Variants in FHIT observed in about 807,000 individuals in gnomAD.
FHIT encodes bis(5'-adenosyl)-triphosphatase.
In FHIT, 19 loss-of-function variants were observed where a neutral mutation model predicts 17.9. That is an observed-to-expected ratio of 1.06 (90% CI 0.74 to 1.56). The LOEUF is 1.56. Ranked by LOEUF, FHIT falls within the 40% of genes most tolerant of loss-of-function variation. The pLI is 0.00. For missense variants in FHIT, 248 were observed against 189.2 expected, an observed-to-expected ratio of 1.31 and a Z score of -1.82; for synonymous variants, 81 against 69.7, an observed-to-expected ratio of 1.16 and a Z score of -0.81.
intron 8 of FHIT, among the ~76,000 whole-genome samples, chr3:59,871,333 CTG>C (rs1458171324): frequency 6.6e-6 from 1 of 152,104 alleles, no homozygotes; most frequent in Non-Finnish European, 1.5e-5. Flanking sequence ...CTGAATTTTG[CTG>C]TGTGCGCTAT....
intron 8 of FHIT, among the ~76,000 whole-genome samples, chr3:59,880,533 C>G (rs1437896181): frequency 6.6e-6 from 1 of 152,180 alleles, no homozygotes; most frequent in South Asian, 2.1e-4. Flanking sequence ...ACTGACTAGC[C>G]TTGAATCTAG....
intron 5 of FHIT, among the ~76,000 whole-genome samples, chr3:60,314,809 G>A (rs916690200): frequency 2.0e-5 from 3 of 152,140 alleles, no homozygotes; most frequent in African/African-American, 4.8e-5. Flanking sequence ...CAGAGGCTGG[G>A]TGCGGTGGCT....
intron 7 of FHIT, among the ~76,000 whole-genome samples, chr3:59,972,691 G>C (rs1018575166): frequency 2.0e-5 from 3 of 152,114 alleles, no homozygotes; most frequent in Admixed American, 6.6e-5. Flanking sequence ...ACCAATGCCT[G>C]ACCCTGCTCT....
At chr3:60,269,039 CCTG>C (rs1324012092) in intron 5 of FHIT, among the ~76,000 whole-genome samples, 1 of 152,124 alleles carries the variant, frequency 6.6e-6, no homozygotes, top group Non-Finnish European at 1.5e-5. Flanking sequence ...GAAACACAGC[CCTG>C]CTGACATCTT....
chr3:60,701,778 C>T (rs2041253335), intron 4 of FHIT, among the ~76,000 whole-genome samples: 1 of 152,090 alleles, frequency 6.6e-6, no homozygotes. Context: ...GTGTGTTAGT[C>T]CTATAAAGGC....
At chr3:60,142,692 T>C (rs1399151859) in intron 5 of FHIT, among the ~76,000 whole-genome samples, 1 of 138,402 alleles carries the variant, frequency 7.2e-6, no homozygotes, top group Admixed American at 7.1e-5. Context: ...CTTTTTTTTT[T>C]TCTTTTTTTT....
At chr3:60,713,838 G>C (rs1449896778) in intron 4 of FHIT, among the ~76,000 whole-genome samples, 2 of 151,128 alleles carry the variant, frequency 1.3e-5, no homozygotes, top group East Asian at 3.9e-4. Context: ...ATTCACAGCC[G>C]AATTCTACCA....
intron 5 of FHIT, among the ~76,000 whole-genome samples, chr3:60,487,227 G>A (rs1190095530): frequency 1.3e-5 from 2 of 152,150 alleles, no homozygotes; most frequent in East Asian, 1.9e-4. Context: ...TGCTGTCTCT[G>A]TACCCAGCAC....
At chr3:60,361,079 C>G (rs1050080565) in intron 5 of FHIT, among the ~76,000 whole-genome samples, 1 of 152,196 alleles carries the variant, frequency 6.6e-6, no homozygotes, top group African/African-American at 2.4e-5. Context: ...TTTCCTACTA[C>G]TCAGTGATAT....
intron 5 of FHIT, among the ~76,000 whole-genome samples, chr3:60,115,740 G>T (rs561638307): frequency 8.6e-5 from 13 of 152,046 alleles, no homozygotes; most frequent in Non-Finnish European, 1.8e-4. Flanking sequence ...AAGAAATCAG[G>T]TTTTCAATAC....
intron 8 of FHIT, among the ~76,000 whole-genome samples, chr3:59,901,380 A>C (rs294452): frequency 1.4e-4 from 21 of 152,284 alleles, no homozygotes; most frequent in East Asian, 3.9e-4. Context: ...GAGAGGTATC[A>C]TGAGGATTAC....
At chr3:60,337,810 C>T (rs1330757440) in intron 5 of FHIT, among the ~76,000 whole-genome samples, 2 of 152,148 alleles carry the variant, frequency 1.3e-5, no homozygotes, top group Non-Finnish European at 2.9e-5. Flanking sequence ...CAGAGAAAGA[C>T]TCTTGGGGGA....
chr3:60,002,407 A>T (rs1487825997), intron 7 of FHIT, among the ~76,000 whole-genome samples: 1 of 152,120 alleles, frequency 6.6e-6, no homozygotes, highest in Admixed American at 6.6e-5. Flanking sequence ...ATTTTGGTGA[A>T]CAAGAGGCTT....
At chr3:59,923,282 C>T (rs1187222555) in intron 7 of FHIT, among the ~76,000 whole-genome samples, 1 of 147,704 alleles carries the variant, frequency 6.8e-6, no homozygotes, top group East Asian at 2.0e-4. Context: ...CTATGATCTC[C>T]ACTTTACAGA....
At chr3:60,651,814 T>G (rs1391804606) in intron 4 of FHIT, among the ~76,000 whole-genome samples, 5 of 152,200 alleles carry the variant, frequency 3.3e-5, no homozygotes, top group Admixed American at 3.3e-4. Flanking sequence ...CTTTGACATG[T>G]GGCATATAAA....
At chr3:59,875,715 A>G (rs1042036283) in intron 8 of FHIT, among the ~76,000 whole-genome samples, 3 of 152,310 alleles carry the variant, frequency 2.0e-5, no homozygotes, top group Non-Finnish European at 2.9e-5. Flanking sequence ...TCATGGGTTA[A>G]TATTATCAGG....
intron 5 of FHIT, among the ~76,000 whole-genome samples, chr3:60,464,987 G>A (rs1314511326): frequency 1.3e-5 from 2 of 152,080 alleles, no homozygotes; most frequent in Admixed American, 1.3e-4. Context: ...ATGTATGAGA[G>A]TTCACTTTTC....
chr3:61,215,427 C>T (rs1302220238), intron 1 of FHIT, among the ~76,000 whole-genome samples: 1 of 151,750 alleles, frequency 6.6e-6, no homozygotes, highest in Non-Finnish European at 1.5e-5. Context: ...CCTAGGAATC[C>T]AACTTACAAG....
chr3:59,942,675 G>T (rs1041712066), intron 7 of FHIT, among the ~76,000 whole-genome samples: 1 of 152,016 alleles, frequency 6.6e-6, no homozygotes, highest in Non-Finnish European at 1.5e-5. Flanking sequence ...TAGAGACACG[G>T]TCTTGCTCTG....
Sources: allele counts gnomAD v4.1 joint callset (sites outside exome capture counted in the v4.1 genomes callset), GRCh38; gene constraint gnomAD v4.1.1; transcripts MANE v1.5; gene names NCBI Gene and HGNC (gene_info 2026-07-23, HGNC 2026-07-21).